The following DNASE1 variants were observed in gnomAD, a reference collection of about 807,000 sequenced individuals.
The protein encoded by DNASE1 is deoxyribonuclease 1.
Under a neutral mutation model 33.9 loss-of-function variants are expected in DNASE1, and 40 were observed. That is an observed-to-expected ratio of 1.18 (90% CI 0.92 to 1.54). The LOEUF (loss-of-function observed/expected upper bound fraction) is 1.54, where lower values mean the gene tolerates loss of function less well. Among genes scored for constraint, DNASE1 ranks in the 40% most tolerant of loss-of-function variants. DNASE1 has a pLI of 0.00. For missense variants in DNASE1, 518 were observed against 372.6 expected, an observed-to-expected ratio of 1.39 and a Z score of -3.21; for synonymous variants, 216 against 160.0, an observed-to-expected ratio of 1.35 and a Z score of -2.64.
chr16:3,652,822 T>C (rs2151208237), upstream of DNASE1: 1 of 152,502 alleles, frequency 6.6e-6, no homozygotes, highest in South Asian at 2.1e-4. Context: ...ACTCTTGCCG[T>C]TGAGGCCTCC....
At chr16:3,642,179 T>G (rs532929329), upstream of DNASE1, among the ~76,000 whole-genome samples, 29 of 152,082 alleles carry the variant, frequency 1.9e-4, no homozygotes, top group Non-Finnish European at 3.5e-4. Context: ...GCTCTCAGCC[T>G]TTTGCTTGGG....
chr16:3,616,871 G>T (rs1429211177), intron 1 of DNASE1, among the ~76,000 whole-genome samples: 1 of 152,064 alleles, frequency 6.6e-6, no homozygotes, highest in African/African-American at 2.4e-5. Context: ...ATTTTGTCCG[G>T]GATGCCAAGA....
exon 10 of DNASE1, chr16:3,664,149 G>A (rs1043338530): frequency 9.7e-7 from 1 of 1,033,374 alleles, no homozygotes; most frequent in African/African-American, 1.6e-5. Flanking sequence ...CTGTGCCCGT[G>A]ACCCTGACCC....
intron 1 of DNASE1, among the ~76,000 whole-genome samples, chr16:3,630,932 T>C (rs2041676747): frequency 6.6e-6 from 1 of 152,156 alleles, no homozygotes; most frequent in Non-Finnish European, 1.5e-5. Flanking sequence ...CTCTGTCTTC[T>C]GATTGGAGAG....
chr16:3,657,382 C>G (rs1040208575), intron 7 of DNASE1, 41 bp downstream of exon 7: 1 of 1,605,052 alleles, frequency 6.2e-7, no homozygotes, highest in Non-Finnish European at 8.5e-7. Context: ...GAGGGCACCT[C>G]CAAGGGCAGC....
At chr16:3,612,482 C>G (rs1260775572) in intron 1 of DNASE1, among the ~76,000 whole-genome samples, 2 of 151,030 alleles carry the variant, frequency 1.3e-5, no homozygotes, top group East Asian at 3.9e-4. Flanking sequence ...AACTCCTGAC[C>G]TCAGGTGATC....
exon 1 of DNASE1, chr16:3,611,857 G>C (rs1036044789): frequency 2.6e-5 from 4 of 152,458 alleles, no homozygotes; most frequent in African/African-American, 9.6e-5. Flanking sequence ...GATAAAGTCT[G>C]GTTCCTCCCC....
intron 7 of DNASE1, 150 bp downstream of exon 7, chr16:3,657,491 C>T: frequency 7.7e-7 from 1 of 1,291,104 alleles, no homozygotes; most frequent in Non-Finnish European, 1.1e-6. Context: ...TAACAAGAGC[C>T]ACGATTTTTA....
chr16:3,643,643 A>G (rs537619074), intron 1 of DNASE1, among the ~76,000 whole-genome samples: 2 of 152,108 alleles, frequency 1.3e-5, no homozygotes, highest in Admixed American at 6.5e-5. Flanking sequence ...AACCAGGTAC[A>G]CTGGGAAAGG....
At chr16:3,641,248 G>A (rs1019568903), upstream of DNASE1, 4 of 294,128 alleles carry the variant, frequency 1.4e-5, no homozygotes, top group East Asian at 5.5e-5. Context: ...GTGAGTGGAC[G>A]CATTTACGTA....
chr16:3,662,067 G>T (rs751682541), downstream of DNASE1: 1 of 1,613,228 alleles, frequency 6.2e-7, no homozygotes, highest in Admixed American at 1.7e-5. Context: ...TGCGCAGGAA[G>T]TGGCGGGCAG....
At chr16:3,657,464 C>A in intron 7 of DNASE1, 123 bp downstream of exon 7, 2 of 1,370,508 alleles carry the variant, frequency 1.5e-6, no homozygotes, top group South Asian at 1.3e-5. Flanking sequence ...TCAGTTGATC[C>A]ACTACAGGGA....
At chr16:3,638,926 A>C (rs2041953711), upstream of DNASE1, among the ~76,000 whole-genome samples, 1 of 151,862 alleles carries the variant, frequency 6.6e-6, no homozygotes, top group Non-Finnish European at 1.5e-5. Context: ...TTTTGTTTTT[A>C]CTGTCTCTGG....
At chr16:3,664,592 G>T (rs968549181) in exon 10 of DNASE1, 6 of 939,998 alleles carry the variant, frequency 6.4e-6, no homozygotes, top group Non-Finnish European at 9.3e-6. Flanking sequence ...AGGGACGGTA[G>T]TGGACTCGGG....
At chr16:3,660,466 C>G (rs376674868), downstream of DNASE1, 1 of 150,842 alleles carries the variant, frequency 6.6e-6, no homozygotes, top group East Asian at 1.9e-4. Context: ...GAGCAAGACC[C>G]TGTCTCCAAA....
intron 1 of DNASE1, among the ~76,000 whole-genome samples, chr16:3,623,351 A>C (rs946826277): frequency 1.3e-5 from 2 of 152,186 alleles, no homozygotes; most frequent in African/African-American, 4.8e-5. Context: ...CAAAGACTTA[A>C]ACATAAGACC....
At chr16:3,627,038 A>AT (rs1567190230) in intron 1 of DNASE1, among the ~76,000 whole-genome samples, 4 of 150,726 alleles carry the variant, frequency 2.7e-5, no homozygotes, top group Non-Finnish European at 5.9e-5. Context: ...TGCTTATTTA[A>AT]ATTTTTTTTT....
chr16:3,662,655 C>T, downstream of DNASE1: 1 of 685,156 alleles, frequency 1.5e-6, no homozygotes, highest in South Asian at 1.5e-5. Flanking sequence ...GTTCTCAGTT[C>T]ACACCTGCTC....
At chr16:3,641,103 C>G (rs2042012079), upstream of DNASE1, 3 of 397,060 alleles carry the variant, frequency 7.6e-6, no homozygotes, top group African/African-American at 6.2e-5. Flanking sequence ...TCCACAGCTG[C>G]AGCTGTGGCA....
Sources: gnomAD v4.1 joint callset for allele counts (sites outside exome capture counted in the v4.1 genomes callset) on GRCh38, gnomAD v4.1.1 for gene constraint, MANE v1.5 for transcripts, NCBI Gene and HGNC (gene_info 2026-07-23, HGNC 2026-07-21) for gene names.